The following GALNT9 variants were observed in gnomAD, a reference collection of about 807,000 sequenced individuals.
GALNT9 encodes polypeptide N-acetylgalactosaminyltransferase 9.
GALNT9 carries 47 observed loss-of-function variants against 63.1 expected under a neutral mutation model. The ratio of observed to expected loss-of-function variants is 0.75; its 90% CI spans 0.59 to 0.95. The LOEUF is 0.95. GALNT9 is among the 40% of genes least tolerant of loss of function. The pLI, the probability that GALNT9 is intolerant of heterozygous loss-of-function variation, is 0.00. For missense variants in GALNT9, 829 were observed against 874.8 expected, an observed-to-expected ratio of 0.95 and a Z score of 0.66; for synonymous variants, 396 against 365.7, an observed-to-expected ratio of 1.08 and a Z score of -0.94.
intron 6 of GALNT9, among the ~76,000 whole-genome samples, chr12:132,228,904 T>G (rs1267104402): frequency 6.6e-6 from 1 of 152,182 alleles, no homozygotes; most frequent in Non-Finnish European, 1.5e-5. Flanking sequence ...AGCTGGCATT[T>G]CTACCGTCGC....
In GALNT9 at chr12:132,208,347, G is replaced by A. The variant is rs549412430; in HGVS notation, c.1078-4657C>T. 3.5e-4 allele frequency among the ~76,000 whole-genome samples: 53 copies of A among 152,322 alleles called. No individual in the cohort carries two copies. In the Middle Eastern group the frequency reaches 0.014, roughly 39 times the overall value. Reference sequence around the variant, plus strand: ...GATCAGGTGAAGGAGGCCGGAGCCCGGCTGGCACTCTGCACTGAGAGCAAC... The same window carrying A: ...GATCAGGTGAAGGAGGCCGGAGCCCAGCTGGCACTCTGCACTGAGAGCAAC... On this transcript the variant is annotated intron_variant, in intron 6 of 10. Coordinates refer to ENST00000328957, the MANE Select transcript of GALNT9 (RefSeq NM_001122636.2).
At chr12:132,324,241 C>T (rs1593127129) in intron 1 of GALNT9, among the ~76,000 whole-genome samples, 1 of 152,146 alleles carries the variant, frequency 6.6e-6, no homozygotes, top group Non-Finnish European at 1.5e-5. Flanking sequence ...GAGAGTGTGC[C>T]GGAGCCGGCA....
chr12:132,225,847 C>A (rs1302357610), intron 6 of GALNT9, among the ~76,000 whole-genome samples: 20 of 97,332 alleles, frequency 2.1e-4, no homozygotes, highest in Middle Eastern at 4.2e-3. Context: ...ACACAACCCA[C>A]ACCCCACACA....
chr12:132,288,564 G>A (rs547245232), intron 1 of GALNT9, among the ~76,000 whole-genome samples: 1 of 152,278 alleles, frequency 6.6e-6, no homozygotes, highest in Admixed American at 6.5e-5. Context: ...GCCTCAGGTG[G>A]GGATTGGCCG....
chr12:132,269,619 C>T (rs1879792134), intron 2 of GALNT9, among the ~76,000 whole-genome samples: 1 of 152,210 alleles, frequency 6.6e-6, no homozygotes, highest in Non-Finnish European at 1.5e-5. Flanking sequence ...GGTTTCAGCT[C>T]AAATACCAGA....
Position 132,286,316 on chromosome 12 carries a change from C to A in GALNT9, c.353G>T (p.Gly118Val), listed in dbSNP as rs1555242179. 1 of 1,551,322 alleles carries A rather than the reference C, an allele frequency of 6.4e-7. No individual in the cohort carries two copies. The highest frequency in any genetic ancestry group is 8.7e-7 in the Non-Finnish European group (1 of 1,146,912). ...GCGGTCGCTGAGCTGAGCGTTGTAG[C>A]CGTACTCCTCATACTTGCCTTCCGC... is the stretch of plus-strand genomic sequence containing the variant. ...QEAEGKYEEY[G>V]YNAQLSDRIS... is the part of the protein sequence containing the mutation. Residue 118 changes from glycine (G) to valine (V), a missense_variant, in exon 2 of 11, where the codon GGC (glycine) becomes GTC (valine). By Grantham distance (109) the Gly-to-Val change is moderately radical (BLOSUM62 -3). Transcript: ENST00000328957. The surrounding 1 kb of genome is among the most constrained non-coding windows in gnomAD (Gnocchi z 7.4).
At chr12:132,221,190 CA>C (rs1458273659) in intron 6 of GALNT9, among the ~76,000 whole-genome samples, 1 of 102,454 alleles carries the variant, frequency 9.8e-6, no homozygotes, top group Non-Finnish European at 2.0e-5. Flanking sequence ...CTGTCTCTAC[CA>C]AAAATACAAA....
Position 132,286,902 on chromosome 12 carries a change from C to A in GALNT9, c.239-472G>T, listed in dbSNP as rs1246811232. Among the ~76,000 whole-genome samples, 1 of 152,156 alleles carries A rather than the reference C, an allele frequency of 6.6e-6. No homozygotes were observed. The highest frequency in any genetic ancestry group is 1.5e-5 in the Non-Finnish European group (1 of 68,024). On this transcript the variant is annotated intron_variant, in intron 1 of 10. Transcript: ENST00000328957. This position sits in a 1 kb window ranked among gnomAD's most constrained non-coding sequence, Gnocchi z 7.4. ...TATTTTTAGTGGAGACAGGGTTTCA[C>A]CGTGTTGGTCAGGCTGGTCTTGAAC...
rs117187231 is a variant in GALNT9, at chr12:132,203,935, G to A, written c.1078-245C>T. 4.4e-3 allele frequency among the ~76,000 whole-genome samples: 666 copies of A among 152,162 alleles called. 13 individuals carry two copies. In the East Asian group the frequency reaches 0.065, roughly 15 times the overall value. On this transcript the variant is annotated intron_variant, in intron 6 of 10. Coordinates refer to ENST00000328957, the MANE Select transcript of GALNT9 (RefSeq NM_001122636.2). The stretch of plus-strand genomic sequence containing the variant: ...GACTTCTTTCTCTTGTGCGTTACAC[G>A]ATGGCTGTGGGGAGGGGGGTTTATT...
chr12:132,216,670 C>T (rs1239269938), intron 6 of GALNT9, among the ~76,000 whole-genome samples: 1 of 152,220 alleles, frequency 6.6e-6, no homozygotes, highest in Non-Finnish European at 1.5e-5. Flanking sequence ...GGTGTTCCAG[C>T]ATCTGGGGGG....
intron 2 of GALNT9, chr12:132,274,511 G>A (rs1555241034): frequency 1.3e-5 from 2 of 152,324 alleles, no homozygotes; most frequent in African/African-American, 4.8e-5. Context: ...GGCTCCTGGG[G>A]CAGGGGTTCT....
chr12:132,267,838 TGCATACAACCCACATGCACACACACAC>T (rs1454513286), intron 2 of GALNT9, among the ~76,000 whole-genome samples: 3 of 74,460 alleles, frequency 4.0e-5, no homozygotes, highest in Non-Finnish European at 7.2e-5. Context: ...GTCACACACA[TGCATACAACCCACATGCACACACACAC>T]GCATACAACC....
Position 132,258,161 on chromosome 12 carries a change from C to T in GALNT9, c.762-275G>A, listed in dbSNP as rs138589742. Among the ~76,000 whole-genome samples, 1,414 of 152,324 alleles carry T rather than the reference C, an allele frequency of 9.3e-3. 26 individuals are homozygous for T. The highest frequency in any genetic ancestry group is 0.032 in the African/African-American group (1,337 of 41,566). ...GACACCGGCCACGTTGGCCCAACTG[C>T]AGTATCTCTGAAGGGCTGCCCAGGG... On this transcript the variant is annotated intron_variant, in intron 4 of 10. Coordinates refer to ENST00000328957, the MANE Select transcript of GALNT9 (RefSeq NM_001122636.2).
At chr12:132,256,957 T>C (rs1038622460) in intron 5 of GALNT9, among the ~76,000 whole-genome samples, 2 of 152,200 alleles carry the variant, frequency 1.3e-5, no homozygotes, top group Non-Finnish European at 2.9e-5. Flanking sequence ...CTGGGTAGTG[T>C]CTGTTCATGT....
At chr12:132,257,438 G>C (rs1430506110) in intron 5 of GALNT9, among the ~76,000 whole-genome samples, 1 of 148,410 alleles carries the variant, frequency 6.7e-6, no homozygotes, top group African/African-American at 2.5e-5. Context: ...CCCAGCCCTC[G>C]TCCCCATGCC....
chr12:132,270,010 G>A (rs535044993), intron 2 of GALNT9, among the ~76,000 whole-genome samples: 1 of 152,238 alleles, frequency 6.6e-6, no homozygotes, highest in Non-Finnish European at 1.5e-5. Context: ...CAGGAGCCAC[G>A]CTCTGGAAGA....
chr12:132,307,586 C>A (rs1025973300), intron 1 of GALNT9, among the ~76,000 whole-genome samples: 25 of 151,732 alleles, frequency 1.6e-4, no homozygotes, highest in African/African-American at 5.8e-4. Flanking sequence ...GTAATCTCAG[C>A]ACTGTGGGAG....
At chr12:132,259,573 G>A (rs533334842) in intron 4 of GALNT9, among the ~76,000 whole-genome samples, 87 of 152,332 alleles carry the variant, frequency 5.7e-4, no homozygotes, top group Non-Finnish European at 8.8e-4. Flanking sequence ...CAGGAAAGCC[G>A]AGTGTGAGGG....
chr12:132,220,873 A>G (rs996854846), intron 6 of GALNT9, among the ~76,000 whole-genome samples: 1 of 151,954 alleles, frequency 6.6e-6, no homozygotes. Context: ...CCTGGCCAAC[A>G]TGGTGAAACC....
Sources: gnomAD v4.1 joint callset for allele counts (sites outside exome capture counted in the v4.1 genomes callset) on GRCh38, gnomAD v4.1.1 for gene constraint, Gnocchi (gnomAD v3.1) non-coding constraint, MANE v1.5 for transcripts, NCBI Gene and HGNC (gene_info 2026-07-23, HGNC 2026-07-21) for gene names.